Variants in GABRG3 observed in about 807,000 individuals in gnomAD.
GABRG3 encodes the protein gamma-aminobutyric acid receptor subunit gamma-3.
A neutral mutation model predicts 48.8 loss-of-function variants in GABRG3; 25 were observed. The ratio of observed to expected loss-of-function variants is 0.51; its 90% confidence interval spans 0.37 to 0.72. The LOEUF is 0.72. Ranked by LOEUF, GABRG3 falls within the 30% of genes least tolerant of loss-of-function variation. The pLI is 0.00. For missense variants in GABRG3, 394 were observed against 577.9 expected, an observed-to-expected ratio of 0.68 and a Z score of 3.26; for synonymous variants, 227 against 217.6, an observed-to-expected ratio of 1.04 and a Z score of -0.38.
intron 6 of GABRG3, among the ~76,000 whole-genome samples, chr15:27,507,678 G>A (rs1421557076): frequency 3.3e-5 from 5 of 151,998 alleles, no homozygotes; most frequent in Non-Finnish European, 7.4e-5. Flanking sequence ...TGTCAAACTG[G>A]TTGATACGAT....
Position 27,155,123 on chromosome 15 carries a change from A to G in GABRG3, c.270+128302A>G, listed in dbSNP as rs191304532. ...GATTGTGCAGTTTCTATTGTTTTAT[A>G]TTAAGTTCCACTGATTCTTTCCTCT... On this transcript the variant is annotated intron_variant, in intron 3 of 9. Transcript: ENST00000615808. 9.2e-5 allele frequency among the ~76,000 whole-genome samples: 14 copies of G among 151,946 alleles called. No homozygotes were observed. The East Asian group carries it at 1.5e-3, about 17-fold the overall frequency.
rs1313346496 is a variant in GABRG3, at chr15:27,016,223, T to C, written c.203-10531T>C. On this transcript the variant is annotated intron_variant, in intron 2 of 9. Transcript: ENST00000615808. ...TCTCAGCTTTCCTTTCCTTCCCTTT[T>C]CTTTCTTTCTTTCTTTCTTTTTTTT... 3.1e-5 allele frequency among the ~76,000 whole-genome samples: 4 copies of C among 126,984 alleles called. No homozygotes were observed. In the East Asian group the frequency reaches 5.9e-4, roughly 19 times the overall value. The allele number at this position is 126,984 out of a possible 152,430, so 83.3% of individuals were successfully genotyped here.
chr15:27,344,520 T>A (rs978345117), intron 5 of GABRG3, among the ~76,000 whole-genome samples: 2 of 152,196 alleles, frequency 1.3e-5, no homozygotes, highest in African/African-American at 2.4e-5. Context: ...TCTCTCTATT[T>A]AGCTAAATTA....
chr15:27,507,653 T>C (rs546915425), intron 6 of GABRG3, among the ~76,000 whole-genome samples: 3 of 152,332 alleles, frequency 2.0e-5, no homozygotes, highest in East Asian at 3.9e-4. Context: ...TGGAGTATTA[T>C]ATAATTATAA....
rs899264017 is a variant in GABRG3, at chr15:27,470,304, A to G, written c.575-10346A>G. ...AATGGCGCGATCTTAGCTCACTGCA[A>G]CCTCCGCCTCCTGGGTTCAAGCAGT... On this transcript the variant is annotated intron_variant, in intron 5 of 9. Coordinates refer to ENST00000615808, the MANE Select transcript of GABRG3 (RefSeq NM_033223.5). Among the ~76,000 whole-genome samples, 3 of 148,912 alleles carry G rather than the reference A, an allele frequency of 2.0e-5. No individual in the cohort carries two copies. The East Asian group carries it at 5.9e-4, about 29-fold the overall frequency.
chr15:27,374,171 A>AC (rs1383781265), intron 5 of GABRG3, among the ~76,000 whole-genome samples: 1 of 110,898 alleles, frequency 9.0e-6, no homozygotes, highest in Non-Finnish European at 1.7e-5. Context: ...TCAGTGTGTC[A>AC]CCCAGACTGG....
intron 3 of GABRG3, among the ~76,000 whole-genome samples, chr15:27,226,428 C>T (rs941665856): frequency 2.0e-5 from 3 of 152,158 alleles, no homozygotes; most frequent in East Asian, 1.9e-4. Context: ...GGGGTGGGAC[C>T]GCAGTGTCCT....
intron 5 of GABRG3, among the ~76,000 whole-genome samples, chr15:27,388,760 C>T (rs1896128510): frequency 6.6e-6 from 1 of 151,954 alleles, no homozygotes; most frequent in Non-Finnish European, 1.5e-5. Flanking sequence ...ATACCATGGG[C>T]CCCAAGAAAC....
At chr15:27,174,189 T>C (rs1566954681) in intron 3 of GABRG3, among the ~76,000 whole-genome samples, 1 of 152,194 alleles carries the variant, frequency 6.6e-6, no homozygotes. Context: ...CCAAACACCA[T>C]TGTGTGGTTG....
chr15:27,169,972 C>T (rs150589785), intron 3 of GABRG3, among the ~76,000 whole-genome samples: 6 of 152,076 alleles, frequency 3.9e-5, no homozygotes, highest in African/African-American at 1.2e-4. Context: ...ATCCTGTATC[C>T]GGGAAAATAC....
intron 5 of GABRG3, among the ~76,000 whole-genome samples, chr15:27,381,632 C>G (rs1310335000): frequency 6.6e-6 from 1 of 152,180 alleles, no homozygotes; most frequent in Admixed American, 6.5e-5. Context: ...CAGTGATTTG[C>G]CTTGTGACCT....
chr15:27,480,762 C>T lies in GABRG3; in HGVS notation c.687C>T (p.Thr229=), dbSNP rs778477419. 4 of 1,613,742 alleles carry T rather than the reference C, an allele frequency of 2.5e-6. No individual in the cohort carries two copies. Among genetic ancestry groups the T allele is most frequent in the Non-Finnish European group, 3.4e-6 (4 of 1,179,822 alleles). The change falls in exon 6 of 10, where the codon ACC becomes ACT. Residue 229 remains threonine (T), a synonymous_variant. Coordinates refer to ENST00000615808, the MANE Select transcript of GABRG3 (RefSeq NM_033223.5). ...YQFDFMGLRN[T]TEIVTTSAGD... ...TTGACTTCATGGGCCTCAGAAACACCACAGAAATCGTGACAACGTCTGCAG... is the reference window on the plus strand; with the variant it reads ...TTGACTTCATGGGCCTCAGAAACACTACAGAAATCGTGACAACGTCTGCAG...
chr15:27,191,243 C>T (rs919570339), intron 3 of GABRG3, among the ~76,000 whole-genome samples: 3 of 152,136 alleles, frequency 2.0e-5, no homozygotes, highest in Admixed American at 2.0e-4. Context: ...ATTAGGTCAG[C>T]TTGGTGCAGA....
chr15:26,972,893 T>C (rs74006542), intron 1 of GABRG3, among the ~76,000 whole-genome samples: 2,763 of 152,282 alleles, frequency 0.018, 87 homozygotes, highest in African/African-American at 0.064. Context: ...GGCAACTCTT[T>C]CAAAGAGACA....
Position 27,419,604 on chromosome 15 carries a change from A to G in GABRG3, c.575-61046A>G, listed in dbSNP as rs527431556. ...AAACGGAGAATTATTGAGACTTTCA[A>G]TAACTCCTCCGTAGCCAAATCATGA... On this transcript the variant is annotated intron_variant, in intron 5 of 9. Coordinates refer to ENST00000615808, the MANE Select transcript of GABRG3 (RefSeq NM_033223.5). Among the ~76,000 whole-genome samples the G allele has an allele frequency of 2.8e-4, 43 of 152,304 alleles. 1 individual carries two copies. Among genetic ancestry groups the G allele is most frequent in the African/African-American group, 9.9e-4 (41 of 41,572 alleles).
intron 3 of GABRG3, among the ~76,000 whole-genome samples, chr15:27,211,685 T>C (rs1889085171): frequency 1.3e-5 from 2 of 152,180 alleles, no homozygotes; most frequent in Non-Finnish European, 1.5e-5. Flanking sequence ...AAGCATTCTG[T>C]GCAGTGTGAT....
intron 5 of GABRG3, among the ~76,000 whole-genome samples, chr15:27,403,923 A>AC (rs1491535433): frequency 8.0e-5 from 10 of 124,552 alleles, no homozygotes; most frequent in Non-Finnish European, 1.4e-4. Context: ...ACAAAAAAAA[A>AC]AAAAACAAAA....
At chr15:27,509,587 G>C (rs6497216) in intron 6 of GABRG3, among the ~76,000 whole-genome samples, 4,964 of 152,154 alleles carry the variant, frequency 0.033, 257 homozygotes, top group African/African-American at 0.11. Flanking sequence ...CTATAGTAAA[G>C]CTCACTGGGT....
At chr15:27,006,929 C>T (rs974626133) in intron 2 of GABRG3, among the ~76,000 whole-genome samples, 2 of 151,592 alleles carry the variant, frequency 1.3e-5, no homozygotes, top group African/African-American at 4.9e-5. Flanking sequence ...GCCTCGAACT[C>T]CTGGGCTCAA....
Sources: gnomAD v4.1 joint callset for allele counts (sites outside exome capture counted in the v4.1 genomes callset) on GRCh38, gnomAD v4.1.1 for gene constraint, MANE v1.5 for transcripts, NCBI Gene and HGNC (gene_info 2026-07-23, HGNC 2026-07-21) for gene names.